Variants in UTRN observed in about 807,000 individuals in gnomAD.
UTRN encodes the protein utrophin, also known as dystrophin-related protein 1.
UTRN carries 283 observed loss-of-function variants against 463.9 expected under a neutral mutation model. That is an observed-to-expected ratio of 0.61 (90% CI 0.55 to 0.67). The LOEUF (loss-of-function observed/expected upper bound fraction) is 0.67. Ranked by LOEUF, UTRN falls within the 30% of genes least tolerant of loss-of-function variation. The pLI is 0.00. For synonymous variants in UTRN, 1,442 were observed against 1,431.5 expected (o/e 1.01, Z -0.17); for missense variants, 3,922 against 4,084.3 (o/e 0.96, Z 1.08).
intron 50 of UTRN, 22 bp downstream of exon 50, chr6:144,557,333 G>A (rs1379604470): frequency 1.3e-6 from 2 of 1,596,624 alleles, no homozygotes; most frequent in Non-Finnish European, 1.7e-6. Flanking sequence ...GCCCTGGCAG[G>A]TAAATGTATA....
chr6:144,823,916 C>CTA (rs948987129), intron 66 of UTRN, among the ~76,000 whole-genome samples: 51 of 152,168 alleles, frequency 3.4e-4, no homozygotes, highest in African/African-American at 1.2e-3. Context: ...AGAGCCTTTG[C>CTA]TATAGCAAGA....
At chr6:144,757,205 AT>A (rs1317222691) in intron 57 of UTRN, among the ~76,000 whole-genome samples, 4 of 143,344 alleles carry the variant, frequency 2.8e-5, no homozygotes, top group African/African-American at 1.0e-4. Flanking sequence ...GGAATAATAT[AT>A]TTTTTATAAG....
chr6:144,816,478 T>G (rs1413228488), intron 65 of UTRN, among the ~76,000 whole-genome samples: 1 of 72,536 alleles, frequency 1.4e-5, no homozygotes, highest in Non-Finnish European at 2.5e-5. Flanking sequence ...TAAGCCATAC[T>G]TTTTTGTGTA....
intron 53 of UTRN, among the ~76,000 whole-genome samples, chr6:144,701,215 T>A (rs1245109419): frequency 1.3e-5 from 2 of 151,914 alleles, no homozygotes; most frequent in African/African-American, 4.8e-5. Context: ...CCTGAGAAAA[T>A]TTTTAAACTA....
chr6:144,382,569 T>C (rs1781032708), intron 2 of UTRN, among the ~76,000 whole-genome samples: 1 of 152,278 alleles, frequency 6.6e-6, no homozygotes, highest in Non-Finnish European at 1.5e-5. Context: ...TGCCGCATGC[T>C]GATTATTATC....
chr6:144,763,062 A>T (rs996377671), intron 58 of UTRN, among the ~76,000 whole-genome samples: 6 of 152,170 alleles, frequency 3.9e-5, no homozygotes, highest in African/African-American at 1.4e-4. Context: ...TGCAGTGCAG[A>T]TGTTAATTCT....
At chr6:144,386,498 T>G (rs1436449749) in intron 2 of UTRN, among the ~76,000 whole-genome samples, 2 of 152,178 alleles carry the variant, frequency 1.3e-5, no homozygotes, top group African/African-American at 4.8e-5. Context: ...TATGTGAACC[T>G]TTTCATAGTT....
At chr6:144,308,996 CTT>C (rs1805997648) in intron 2 of UTRN, among the ~76,000 whole-genome samples, 1 of 152,184 alleles carries the variant, frequency 6.6e-6, no homozygotes, top group Non-Finnish European at 1.5e-5. Context: ...TAAAACTGCT[CTT>C]GTCAAAGTTA....
intron 53 of UTRN, among the ~76,000 whole-genome samples, chr6:144,702,081 A>G (rs1254740926): frequency 6.6e-6 from 1 of 152,236 alleles, no homozygotes; most frequent in Non-Finnish European, 1.5e-5. Flanking sequence ...GGGATGAAAC[A>G]GAATAACACA....
At chr6:144,745,102 T>G (rs911539518) in intron 54 of UTRN, among the ~76,000 whole-genome samples, 3 of 152,100 alleles carry the variant, frequency 2.0e-5, no homozygotes. Flanking sequence ...ACTGTGAGGG[T>G]CGTTTCTAAC....
chr6:144,712,195 C>T (rs1489550110), intron 53 of UTRN, among the ~76,000 whole-genome samples: 1 of 152,212 alleles, frequency 6.6e-6, no homozygotes, highest in African/African-American at 2.4e-5. Flanking sequence ...ACGCTCAGCT[C>T]TTTAAGGCCC....
chr6:144,489,996 A>T, intron 30 of UTRN, 75 bp from the exon 31 acceptor site: 1 of 1,554,022 alleles, frequency 6.4e-7, no homozygotes, highest in Non-Finnish European at 8.7e-7. Flanking sequence ...AACGATATAG[A>T]ACTTTTGTAT....
At chr6:144,467,474 G>A (rs976966224) in intron 23 of UTRN, among the ~76,000 whole-genome samples, 2 of 152,186 alleles carry the variant, frequency 1.3e-5, no homozygotes, top group Non-Finnish European at 2.9e-5. Context: ...GATGTGTCCG[G>A]CCTCTCTAGT....
intron 2 of UTRN, among the ~76,000 whole-genome samples, chr6:144,312,619 C>T (rs2114561994): frequency 6.6e-6 from 1 of 152,058 alleles, no homozygotes; most frequent in East Asian, 1.9e-4. Flanking sequence ...TTCCCTTTTT[C>T]TGCTTCTTTA....
intron 51 of UTRN, among the ~76,000 whole-genome samples, chr6:144,660,739 G>T (rs2128671912): frequency 6.6e-6 from 1 of 152,292 alleles, no homozygotes; most frequent in South Asian, 2.1e-4. Flanking sequence ...TGGGGACTCA[G>T]CTGTGGGTGG....
chr6:144,693,306 A>G (rs924751253), intron 52 of UTRN, among the ~76,000 whole-genome samples: 1 of 152,208 alleles, frequency 6.6e-6, no homozygotes, highest in African/African-American at 2.4e-5. Flanking sequence ...CCTGTAGTAT[A>G]GTCTGAAGTC....
intron 19 of UTRN, 68 bp downstream of exon 19, chr6:144,453,937 CTA>C: frequency 7.1e-7 from 1 of 1,406,498 alleles, no homozygotes; most frequent in Non-Finnish European, 9.8e-7. Context: ...ACAGTTTGCC[CTA>C]TTAAATATTT....
At chr6:144,568,876 A>G (rs78886124) in intron 50 of UTRN, among the ~76,000 whole-genome samples, 2,261 of 152,294 alleles carry the variant, frequency 0.015, 65 homozygotes, top group African/African-American at 0.052. Context: ...ACCCCAAGCC[A>G]TACAGCTAGT....
At chr6:144,732,263 C>CAT (rs1227075300) in intron 54 of UTRN, among the ~76,000 whole-genome samples, 38 of 98,030 alleles carry the variant, frequency 3.9e-4, no homozygotes, top group African/African-American at 1.3e-3. Flanking sequence ...TATATACACA[C>CAT]ATATATATAT....
Sources: allele counts gnomAD v4.1 joint callset (sites outside exome capture counted in the v4.1 genomes callset), GRCh38; gene constraint gnomAD v4.1.1; transcripts MANE v1.5; gene names NCBI Gene and HGNC (gene_info 2026-07-23, HGNC 2026-07-21).